The following ADAMTS19 variants were observed in gnomAD, a reference collection of about 807,000 sequenced individuals.
ADAMTS19 encodes A disintegrin and metalloproteinase with thrombospondin motifs 19.
A neutral mutation model predicts 153.3 loss-of-function variants in ADAMTS19; 93 were observed. The ratio of observed to expected loss-of-function variants is 0.61; its 90% confidence interval spans 0.51 to 0.72. The LOEUF is 0.72. ADAMTS19 is among the 30% of genes least tolerant of loss of function. ADAMTS19 has a pLI of 0.00. For missense variants in ADAMTS19, 1,482 were observed against 1,552.1 expected, an observed-to-expected ratio of 0.95 and a Z score of 0.76; for synonymous variants, 600 against 556.6, an observed-to-expected ratio of 1.08 and a Z score of -1.10.
chr5:129,694,912 TA>T, intron 19 of ADAMTS19, 57 bp downstream of exon 19: 1 of 1,398,080 alleles, frequency 7.2e-7, no homozygotes, highest in East Asian at 2.6e-5. Flanking sequence ...TGCTGTCCTT[TA>T]AAACATGCTC....
intron 6 of ADAMTS19, among the ~76,000 whole-genome samples, chr5:129,536,128 C>A (rs13190013): frequency 6.6e-6 from 1 of 151,980 alleles, no homozygotes; most frequent in Non-Finnish European, 1.5e-5. Flanking sequence ...AACAGGCAAC[C>A]TACACAATGG....
At chr5:129,643,182 C>A (rs1752881842) in intron 11 of ADAMTS19, among the ~76,000 whole-genome samples, 1 of 151,684 alleles carries the variant, frequency 6.6e-6, no homozygotes, top group Non-Finnish European at 1.5e-5. Flanking sequence ...CACACACACA[C>A]ACACAAGTAT....
chr5:129,475,789 T>A (rs1750205042), intron 2 of ADAMTS19, among the ~76,000 whole-genome samples: 1 of 152,214 alleles, frequency 6.6e-6, no homozygotes, highest in Non-Finnish European at 1.5e-5. Context: ...GCCAAGATTG[T>A]ACCACTGCAC....
At chr5:129,613,830 C>T (rs74909847) in intron 8 of ADAMTS19, among the ~76,000 whole-genome samples, 3,630 of 151,538 alleles carry the variant, frequency 0.024, 118 homozygotes, top group African/African-American at 0.079. Flanking sequence ...TCAAATAGAC[C>T]CAATAAAAAA....
chr5:129,537,358 G>T (rs1473445061), intron 6 of ADAMTS19, among the ~76,000 whole-genome samples: 7 of 152,192 alleles, frequency 4.6e-5, no homozygotes, highest in Non-Finnish European at 1.0e-4. Context: ...CATTGTGGAA[G>T]TCGGTGTTGC....
intron 8 of ADAMTS19, among the ~76,000 whole-genome samples, chr5:129,604,425 T>C (rs965513792): frequency 3.9e-5 from 6 of 152,172 alleles, no homozygotes; most frequent in African/African-American, 1.4e-4. Context: ...CTATTAAGCA[T>C]TTTAGTGGCA....
chr5:129,716,687 C>T (rs1212991163), intron 21 of ADAMTS19, among the ~76,000 whole-genome samples: 1 of 151,400 alleles, frequency 6.6e-6, no homozygotes, highest in Non-Finnish European at 1.5e-5. Context: ...CTCAGTTGCT[C>T]TTAATTCCCA....
intron 7 of ADAMTS19, among the ~76,000 whole-genome samples, chr5:129,586,141 C>G (rs1749785183): frequency 6.6e-6 from 1 of 152,164 alleles, no homozygotes; most frequent in African/African-American, 2.4e-5. Context: ...TAGAATGGTA[C>G]ATTATTTTTA....
chr5:129,585,295 T>C (rs1251204217), intron 7 of ADAMTS19, among the ~76,000 whole-genome samples: 5 of 151,842 alleles, frequency 3.3e-5, no homozygotes, highest in African/African-American at 1.2e-4. Context: ...TCACCCACTT[T>C]CTGCGTTGAT....
intron 12 of ADAMTS19, 144 bp from the exon 13 acceptor site, chr5:129,648,654 A>G (rs1038949621): frequency 1.0e-5 from 5 of 500,392 alleles, no homozygotes; most frequent in Non-Finnish European, 1.7e-5. Flanking sequence ...TGAATTTGCT[A>G]CTACTATCAT....
At chr5:129,700,080 T>A (rs545987301) in intron 19 of ADAMTS19, among the ~76,000 whole-genome samples, 2 of 152,152 alleles carry the variant, frequency 1.3e-5, no homozygotes, top group East Asian at 3.9e-4. Context: ...TAATGAGAAA[T>A]ACAGGGAAGA....
chr5:129,601,467 T>C (rs1412806475), intron 8 of ADAMTS19, among the ~76,000 whole-genome samples: 1 of 152,160 alleles, frequency 6.6e-6, no homozygotes, highest in Non-Finnish European at 1.5e-5. Context: ...CTTATTAATA[T>C]ATTAATTGTT....
intron 10 of ADAMTS19, among the ~76,000 whole-genome samples, chr5:129,639,867 T>C (rs1752716493): frequency 2.6e-5 from 4 of 152,112 alleles, no homozygotes; most frequent in Admixed American, 2.0e-4. Context: ...ATTTTTAGAA[T>C]CAAAAATGCT....
intron 11 of ADAMTS19, 138 bp from the exon 12 acceptor site, chr5:129,647,627 T>C (rs1452709516): frequency 4.7e-5 from 45 of 963,346 alleles, no homozygotes; most frequent in Middle Eastern, 3.1e-4. Flanking sequence ...TGCCAACTTA[T>C]TTTTGGTCTT....
chr5:129,702,937 AAAAAATATATATAT>A (rs1418179332), intron 20 of ADAMTS19, among the ~76,000 whole-genome samples: 1 of 13,876 alleles, frequency 7.2e-5, no homozygotes, highest in African/African-American at 1.8e-4. Context: ...GCCAAAAAAA[AAAAAATATATATAT>A]ATATATATAT....
At chr5:129,594,527 C>G (rs954989282) in intron 7 of ADAMTS19, among the ~76,000 whole-genome samples, 1 of 152,046 alleles carries the variant, frequency 6.6e-6, no homozygotes. Flanking sequence ...TTTTCAAATG[C>G]TGTAACTTTT....
At chr5:129,503,042 G>T (rs1455361731) in intron 2 of ADAMTS19, among the ~76,000 whole-genome samples, 1 of 152,196 alleles carries the variant, frequency 6.6e-6, no homozygotes. Context: ...AGAGAAGGCA[G>T]TATGTGCAAT....
chr5:129,690,303 A>G (rs975542109), intron 18 of ADAMTS19, among the ~76,000 whole-genome samples: 16 of 152,222 alleles, frequency 1.1e-4, no homozygotes, highest in African/African-American at 3.9e-4. Context: ...CTTTCTTGGA[A>G]GTGAAAATGT....
intron 21 of ADAMTS19, among the ~76,000 whole-genome samples, chr5:129,712,668 AATTTC>A (rs1441559075): frequency 1.3e-5 from 2 of 152,164 alleles, no homozygotes; most frequent in Admixed American, 6.5e-5. Context: ...TTTAAAAATG[AATTTC>A]TAAAATGTTT....
Sources: allele counts gnomAD v4.1 joint callset (sites outside exome capture counted in the v4.1 genomes callset), GRCh38; gene constraint gnomAD v4.1.1; transcripts MANE v1.5; gene names NCBI Gene and HGNC (gene_info 2026-07-23, HGNC 2026-07-21).